ENTREP1: variants seen among roughly 807,000 people sequenced by gnomAD.
The protein encoded by ENTREP1 is endosomal transmembrane epsin interactor 1.
the ENTREP1 span, chr9:69,385,831 C>A: frequency 6.3e-7 from 1 of 1,586,294 alleles, no homozygotes; most frequent in Non-Finnish European, 8.6e-7. Flanking sequence ...GAAGAAAATG[C>A]ATCCACCTCA....
chr9:69,385,732 T>A, the ENTREP1 span: 15 of 1,445,064 alleles, frequency 1.0e-5, no homozygotes, highest in Non-Finnish European at 1.4e-5. Context: ...TTTTGAGGAC[T>A]GCAGCTGGTG....
chr9:69,334,078 G>A, the ENTREP1 span, among the ~76,000 whole-genome samples: 1 of 152,166 alleles, frequency 6.6e-6, no homozygotes, highest in Non-Finnish European at 1.5e-5. Context: ...AAATGACTTG[G>A]CCAAGGTCTC....
the ENTREP1 span, chr9:69,377,861 A>T: frequency 8.2e-7 from 1 of 1,215,472 alleles, no homozygotes; most frequent in Non-Finnish European, 1.1e-6. Context: ...AAAAAGAAAA[A>T]TTTTTCCTGA....
the ENTREP1 span, among the ~76,000 whole-genome samples, chr9:69,338,635 A>G: frequency 2.6e-5 from 4 of 152,324 alleles, no homozygotes; most frequent in East Asian, 7.7e-4. Flanking sequence ...TGTTAAGTAT[A>G]TGCACTTTGT....
chr9:69,383,683 A>G, the ENTREP1 span: 1 of 1,614,142 alleles, frequency 6.2e-7, no homozygotes, highest in Non-Finnish European at 8.5e-7. Context: ...GCTCGAATCA[A>G]AGGTGTGGAA....
chr9:69,385,830 G>A, the ENTREP1 span: 2 of 1,572,366 alleles, frequency 1.3e-6, no homozygotes, highest in Admixed American at 1.8e-5. Context: ...CGAAGAAAAT[G>A]CATCCACCTC....
At chr9:69,383,165 A>G in the ENTREP1 span, 51 of 960,668 alleles carry the variant, frequency 5.3e-5, no homozygotes, top group African/African-American at 8.8e-4. Flanking sequence ...TTTTTTAAAT[A>G]GAGGTGAAAC....
At chr9:69,377,482 G>A in the ENTREP1 span, 1 of 1,610,930 alleles carries the variant, frequency 6.2e-7, no homozygotes, top group Non-Finnish European at 8.5e-7. Flanking sequence ...TGCATCGTAA[G>A]TCTATGCAAG....
chr9:69,371,359 T>C, the ENTREP1 span: 1 of 768,980 alleles, frequency 1.3e-6, no homozygotes, highest in East Asian at 2.5e-5. Flanking sequence ...AAAAAAAGTT[T>C]GTACATTGAA....
chr9:69,325,189 C>A, the ENTREP1 span: 2 of 1,029,320 alleles, frequency 1.9e-6, no homozygotes, highest in African/African-American at 1.7e-5. Context: ...TTCCTTCCCT[C>A]CCCCTCGGCC....
chr9:69,391,952 G>C, the ENTREP1 span: 1 of 744,642 alleles, frequency 1.3e-6, no homozygotes, highest in Non-Finnish European at 2.2e-6. Context: ...TGCTGACTGA[G>C]GGCATTCAGG....
At chr9:69,365,205 A>G in the ENTREP1 span, among the ~76,000 whole-genome samples, 1 of 152,160 alleles carries the variant, frequency 6.6e-6, no homozygotes, top group African/African-American at 2.4e-5. Context: ...GAACATTATC[A>G]CCCCAGAACA....
chr9:69,340,078 A>T, the ENTREP1 span, among the ~76,000 whole-genome samples: 2 of 152,178 alleles, frequency 1.3e-5, no homozygotes, highest in African/African-American at 4.8e-5. Flanking sequence ...GCCAGTAAGA[A>T]ATTTAGGTCC....
At chr9:69,351,349 G>A in the ENTREP1 span, among the ~76,000 whole-genome samples, 1 of 152,074 alleles carries the variant, frequency 6.6e-6, no homozygotes, top group Non-Finnish European at 1.5e-5. Context: ...ATTTGAATAT[G>A]TGTGCCTTTC....
At chr9:69,391,887 C>CAA in the ENTREP1 span, 366 of 1,283,088 alleles carry the variant, frequency 2.9e-4, no homozygotes, top group Middle Eastern at 5.3e-4. Context: ...TGGTCCACCT[C>CAA]AAAAAAAAGG....
the ENTREP1 span, chr9:69,371,323 C>A: frequency 1.5e-6 from 1 of 676,062 alleles, no homozygotes; most frequent in South Asian, 1.6e-5. Context: ...CATCCCTCAG[C>A]ACAATTTTAA....
the ENTREP1 span, among the ~76,000 whole-genome samples, chr9:69,340,613 A>ATGTGTGTGCGCATGCATG: frequency 8.7e-6 from 1 of 114,858 alleles, no homozygotes; most frequent in African/African-American, 3.5e-5. Flanking sequence ...GTGTGTGTGC[A>ATGTGTGTGCGCATGCATG]TGTGTGTGTG....
At chr9:69,327,692 G>A in the ENTREP1 span, among the ~76,000 whole-genome samples, 1 of 152,092 alleles carries the variant, frequency 6.6e-6, no homozygotes, top group Admixed American at 6.5e-5. Context: ...TGCTGGCTGG[G>A]TATGTCCTTG....
At chr9:69,385,820 C>T in the ENTREP1 span, 34 of 1,571,760 alleles carry the variant, frequency 2.2e-5, no homozygotes, top group East Asian at 1.9e-4. Context: ...ACATACCTGC[C>T]GAAGAAAATG....
Sources: gnomAD v4.1 joint callset for allele counts (sites outside exome capture counted in the v4.1 genomes callset) on GRCh38, gnomAD v4.1.1 for gene constraint, MANE v1.5 for transcripts, NCBI Gene and HGNC (gene_info 2026-07-23, HGNC 2026-07-21) for gene names.